The following SLC10A7 variants were observed in gnomAD, a reference collection of about 807,000 sequenced individuals.
SLC10A7 encodes the protein sodium/bile acid cotransporter 7.
A neutral mutation model predicts 43.2 loss-of-function variants in SLC10A7; 29 were observed. That is an observed-to-expected ratio of 0.67 (90% confidence interval 0.50 to 0.92). The LOEUF (loss-of-function observed/expected upper bound fraction) is 0.92. Ranked by LOEUF, SLC10A7 falls within the 40% of genes least tolerant of loss-of-function variation. SLC10A7 has a pLI of 0.00. For synonymous variants in SLC10A7, 152 were observed against 144.8 expected (o/e 1.05, Z -0.35); for missense variants, 295 against 403.2 (o/e 0.73, Z 2.30).
rs1469919046 is a variant in SLC10A7, at chr4:146,255,471, T to C, written c.*1020A>G. 1 of 152,650 alleles carries C rather than the reference T, an allele frequency of 6.6e-6. No homozygotes were observed. Among genetic ancestry groups the C allele is most frequent in the Non-Finnish European group, 1.5e-5 (1 of 68,036 alleles). 9.5% of individuals were successfully genotyped at this position (152,650 alleles called of 1,614,324 possible). On this transcript the variant is annotated 3_prime_UTR_variant, in exon 12 of 12. Coordinates refer to ENST00000335472, the MANE Select transcript of SLC10A7 (RefSeq NM_001029998.6). ...AACTTCTAAAAAAATATTGCCAACA[T>C]TTGTCAAATCTGCCAAGGAAATTTT...
At chr4:146,301,450 G>A (rs1731155650) in intron 7 of SLC10A7, among the ~76,000 whole-genome samples, 1 of 152,130 alleles carries the variant, frequency 6.6e-6, no homozygotes. Context: ...GCAAGGAATT[G>A]GCAACAGGAA....
At chr4:146,434,167 G>A (rs1730018429) in intron 5 of SLC10A7, among the ~76,000 whole-genome samples, 1 of 152,128 alleles carries the variant, frequency 6.6e-6, no homozygotes, top group Non-Finnish European at 1.5e-5. Flanking sequence ...AAATAAGATT[G>A]TCTATACAAC....
At chr4:146,404,476 ATGTGTG>A (rs34519773) in intron 5 of SLC10A7, among the ~76,000 whole-genome samples, 4,653 of 141,514 alleles carry the variant, frequency 0.033, 103 homozygotes, top group South Asian at 0.11. Context: ...CTGCTCATTT[ATGTGTG>A]TGTGTGTGTG....
chr4:146,358,381 C>G (rs1387724553), intron 5 of SLC10A7, among the ~76,000 whole-genome samples: 1 of 152,070 alleles, frequency 6.6e-6, no homozygotes, highest in Non-Finnish European at 1.5e-5. Flanking sequence ...TTAGACTAGA[C>G]TAGGCTTTTT....
chr4:146,255,050 G>C lies in SLC10A7; in HGVS notation c.*1441C>G, dbSNP rs1054234339. ...TTTCTAAGGAATGATTTTTTGTTGT[G>C]GGCATAATAACGAAACAACAAAAAC... On this transcript the variant is annotated 3_prime_UTR_variant, in exon 12 of 12. Coordinates refer to ENST00000335472, the MANE Select transcript of SLC10A7 (RefSeq NM_001029998.6). 1 of 152,054 alleles carries C rather than the reference G, an allele frequency of 6.6e-6. No homozygotes were observed. Among genetic ancestry groups the C allele is most frequent in the Non-Finnish European group, 1.5e-5 (1 of 68,002 alleles). 9.4% of individuals were successfully genotyped at this position (152,054 alleles called of 1,614,324 possible).
At chr4:146,291,976 G>T (rs1167148059) in intron 9 of SLC10A7, among the ~76,000 whole-genome samples, 3 of 152,164 alleles carry the variant, frequency 2.0e-5, no homozygotes, top group Non-Finnish European at 4.4e-5. Flanking sequence ...TTGCATTTGA[G>T]GTAAGCTTTT....
At chr4:146,417,963 C>T (rs1296445301) in intron 5 of SLC10A7, among the ~76,000 whole-genome samples, 1 of 151,894 alleles carries the variant, frequency 6.6e-6, no homozygotes, top group Non-Finnish European at 1.5e-5. Context: ...CTCTCTCCTC[C>T]CTGGGGACCT....
intron 5 of SLC10A7, among the ~76,000 whole-genome samples, chr4:146,376,907 T>C (rs1433058507): frequency 1.3e-5 from 2 of 152,110 alleles, no homozygotes; most frequent in Non-Finnish European, 2.9e-5. Flanking sequence ...CTTAGAAATG[T>C]TTAAGAGGCA....
rs139122963 is a variant in SLC10A7 at position 146,405,213 on chromosome 4, A to G, written c.435+37570T>C. 4.6e-5 allele frequency among the ~76,000 whole-genome samples: 7 copies of G among 152,206 alleles called. No homozygotes were observed. The East Asian group carries it at 1.4e-3, about 29-fold the overall frequency. On this transcript the variant is annotated intron_variant, in intron 5 of 11. Transcript: ENST00000335472. The stretch of plus-strand genomic sequence containing the variant: ...TTCCAGAATGCCCCTTCAACTTTCT[A>G]TTTTCCAGATCTACCATCTTGGTCC...
chr4:146,380,745 A>G (rs1737555779), intron 5 of SLC10A7, among the ~76,000 whole-genome samples: 1 of 152,088 alleles, frequency 6.6e-6, no homozygotes, highest in South Asian at 2.1e-4. Flanking sequence ...CTGGCACATT[A>G]TATTATTGTA....
At chr4:146,295,593 G>A (rs1730727800) in intron 7 of SLC10A7, among the ~76,000 whole-genome samples, 1 of 152,106 alleles carries the variant, frequency 6.6e-6, no homozygotes. Flanking sequence ...TTGGACAACA[G>A]TGCTATAGGT....
At chr4:146,458,358 A>C (rs1360018792) in intron 4 of SLC10A7, among the ~76,000 whole-genome samples, 1 of 151,776 alleles carries the variant, frequency 6.6e-6, no homozygotes, top group Non-Finnish European at 1.5e-5. Flanking sequence ...AGCTGACATC[A>C]TACCTAACTG....
At position 146,414,148 on chromosome 4, in the gene SLC10A7, T is replaced by C. The variant is rs562015084; in HGVS notation, c.435+28635A>G. 4.9e-4 allele frequency among the ~76,000 whole-genome samples: 74 copies of C among 152,240 alleles called. 3 individuals are homozygous for C. The South Asian group carries it at 0.015, about 31-fold the overall frequency. On this transcript the variant is annotated intron_variant, in intron 5 of 11. Transcript: ENST00000335472. ...GTCAACAGCTTGCTCAGGTATAGCC[T>C]TGGGGAAGCTGCAAATTCCCAGAAA...
chr4:146,440,136 G>A (rs188386409), intron 5 of SLC10A7, among the ~76,000 whole-genome samples: 85 of 152,078 alleles, frequency 5.6e-4, no homozygotes, highest in African/African-American at 1.8e-3. Context: ...TTTTTAGCTC[G>A]CAGTAAATTG....
At chr4:146,368,058 C>G (rs569743624) in intron 5 of SLC10A7, among the ~76,000 whole-genome samples, 4 of 152,292 alleles carry the variant, frequency 2.6e-5, no homozygotes, top group African/African-American at 9.6e-5. Context: ...TTTCAGCATT[C>G]ATTATAATGC....
intron 5 of SLC10A7, among the ~76,000 whole-genome samples, chr4:146,409,118 A>G (rs1438069574): frequency 6.6e-6 from 1 of 152,164 alleles, no homozygotes; most frequent in Non-Finnish European, 1.5e-5. Context: ...TAGAAGGAGA[A>G]ATTTTTTAAT....
intron 4 of SLC10A7, among the ~76,000 whole-genome samples, chr4:146,446,742 AT>A (rs1194027897): frequency 5.0e-5 from 1 of 19,920 alleles, no homozygotes. Flanking sequence ...GAGAAGGTTT[AT>A]CTATCTATCT....
intron 5 of SLC10A7, among the ~76,000 whole-genome samples, chr4:146,418,836 C>A (rs1214739935): frequency 6.6e-6 from 1 of 152,224 alleles, no homozygotes; most frequent in Non-Finnish European, 1.5e-5. Flanking sequence ...CAGATGACAA[C>A]TTCAAGCTCC....
At chr4:146,410,452 T>C (rs1338228027) in intron 5 of SLC10A7, among the ~76,000 whole-genome samples, 2 of 152,112 alleles carry the variant, frequency 1.3e-5, no homozygotes, top group South Asian at 2.1e-4. Context: ...ACTGCTCTAA[T>C]AAAAAGGAAA....
Sources: gnomAD v4.1 joint callset for allele counts (sites outside exome capture counted in the v4.1 genomes callset) on GRCh38, gnomAD v4.1.1 for gene constraint, MANE v1.5 for transcripts, NCBI Gene and HGNC (gene_info 2026-07-23, HGNC 2026-07-21) for gene names.